The following NSMCE2 variants were observed in gnomAD, a reference collection of about 807,000 sequenced individuals.
NSMCE2 encodes NSE2 SUMO ligase component of SMC5/6 complex.
A neutral mutation model predicts 23.8 loss-of-function variants in NSMCE2; 24 were observed. The observed-to-expected ratio is 1.01, with a 90% CI of 0.73 to 1.42. NSMCE2 has a LOEUF of 1.42. NSMCE2 is among the 40% of genes most tolerant of loss of function. The pLI is 0.00. For missense variants in NSMCE2, 284 were observed against 296.5 expected (o/e 0.96, Z 0.31); for synonymous variants, 92 against 94.1 (o/e 0.98, Z 0.13).
chr8:125,183,800 A>G (rs983774183), intron 5 of NSMCE2, among the ~76,000 whole-genome samples: 2 of 152,152 alleles, frequency 1.3e-5, no homozygotes, highest in African/African-American at 2.4e-5. Flanking sequence ...TCTCATGGTA[A>G]TTAGAAACTC....
chr8:125,194,975 G>A (rs2130839431), intron 5 of NSMCE2, among the ~76,000 whole-genome samples: 1 of 152,194 alleles, frequency 6.6e-6, no homozygotes, highest in South Asian at 2.1e-4. Context: ...TAGGTGACCT[G>A]TAGCAATGGT....
chr8:125,205,883 A>G (rs1275963407), intron 5 of NSMCE2, among the ~76,000 whole-genome samples: 1 of 152,244 alleles, frequency 6.6e-6, no homozygotes, highest in Admixed American at 6.5e-5. Context: ...ATTATAATCA[A>G]TTGAATTTTA....
chr8:125,125,728 A>C (rs1444590616), intron 3 of NSMCE2, among the ~76,000 whole-genome samples: 2 of 152,228 alleles, frequency 1.3e-5, no homozygotes, highest in Admixed American at 6.5e-5. Context: ...TTAGTCTGCC[A>C]CAGTGTGGCA....
rs748629612 is a variant in NSMCE2, at chr8:125,182,116, G to A, written c.278G>A (p.Arg93His). ...TGTCTCCCTTAGGTGAAAGAAGAAC[G>A]TCCAGAAAAAATACCAGATTTAAAA... is the stretch of plus-strand genomic sequence containing the variant. ...QSTINHVKEE[R>H]PEKIPDLKLL... The change falls in exon 5 of 8, where the codon CGT (arginine) becomes CAT (histidine). Residue 93 changes from arginine to histidine, a missense_variant. Transcript: ENST00000287437. 18 of 1,594,696 alleles carry A rather than the reference G, an allele frequency of 1.1e-5. No homozygotes were observed. The highest frequency in any genetic ancestry group is 9.5e-5 in the African/African-American group (7 of 73,338).
intron 4 of NSMCE2, among the ~76,000 whole-genome samples, chr8:125,166,095 A>G (rs1392391326): frequency 6.6e-6 from 1 of 152,200 alleles, no homozygotes; most frequent in African/African-American, 2.4e-5. Flanking sequence ...GGCTGTGGAC[A>G]TGTGGTATAG....
At chr8:125,364,566 A>G (rs1474825521) in intron 7 of NSMCE2, among the ~76,000 whole-genome samples, 1 of 152,236 alleles carries the variant, frequency 6.6e-6, no homozygotes, top group African/African-American at 2.4e-5. Flanking sequence ...TCACAGTTGC[A>G]TGCTTAGAAC....
rs1326835996 is a variant in NSMCE2 at position 125,340,038 on chromosome 8, G to A, written c.419-17181G>A. Reference sequence around the variant, plus strand: ...TTTTTTTTTTTTTTTTTTTTGAGACGGAGTCTCGCTCTGTGGCCCAGGCGG... The same window carrying A: ...TTTTTTTTTTTTTTTTTTTTGAGACAGAGTCTCGCTCTGTGGCCCAGGCGG... On this transcript the variant is annotated intron_variant, in intron 5 of 7. Transcript: ENST00000287437. 5.3e-5 allele frequency among the ~76,000 whole-genome samples: 6 copies of A among 112,962 alleles called. No individual in the cohort carries two copies. In the East Asian group the frequency reaches 1.6e-3, roughly 29 times the overall value. 74.1% of individuals were successfully genotyped at this position (112,962 alleles called of 152,430 possible). A position where few individuals can be genotyped will look rare whatever the true frequency, so the allele number is the denominator to read the frequency against.
chr8:125,318,094 T>A (rs1382931741), intron 5 of NSMCE2, among the ~76,000 whole-genome samples: 1 of 152,230 alleles, frequency 6.6e-6, no homozygotes, highest in East Asian at 1.9e-4. Context: ...ATATAAGATG[T>A]TTAACTTTAC....
chr8:125,128,755 A>G (rs1252276812), intron 3 of NSMCE2, among the ~76,000 whole-genome samples: 14 of 152,186 alleles, frequency 9.2e-5, no homozygotes. Context: ...CAAACCTGGC[A>G]ATGGCCCATT....
chr8:125,330,138 T>G (rs926780020), intron 5 of NSMCE2, among the ~76,000 whole-genome samples: 1 of 151,900 alleles, frequency 6.6e-6, no homozygotes, highest in South Asian at 2.1e-4. Flanking sequence ...CAAGTCTGCC[T>G]TCTTGTTAGG....
intron 3 of NSMCE2, among the ~76,000 whole-genome samples, chr8:125,102,966 C>G (rs761081036): frequency 6.6e-6 from 1 of 152,112 alleles, no homozygotes; most frequent in Non-Finnish European, 1.5e-5. Flanking sequence ...TCAAGAAGAT[C>G]TAGAAAGATG....
At chr8:125,299,981 G>A (rs1828496753) in intron 5 of NSMCE2, among the ~76,000 whole-genome samples, 1 of 151,304 alleles carries the variant, frequency 6.6e-6, no homozygotes, top group South Asian at 2.1e-4. Context: ...ATCATGCTTG[G>A]CTAATTTTTG....
chr8:125,273,599 T>A (rs1827320006), intron 5 of NSMCE2, among the ~76,000 whole-genome samples: 1 of 152,238 alleles, frequency 6.6e-6, no homozygotes, highest in African/African-American at 2.4e-5. Flanking sequence ...CCTTTCCAAC[T>A]TACAGTTTAT....
At chr8:125,212,993 T>C (rs1824409824) in intron 5 of NSMCE2, among the ~76,000 whole-genome samples, 1 of 152,142 alleles carries the variant, frequency 6.6e-6, no homozygotes, top group African/African-American at 2.4e-5. Context: ...GTTAAAAAAA[T>C]CAATATGTAA....
At chr8:125,181,983 AT>A (rs1822840317) in intron 4 of NSMCE2, 119 bp from the exon 5 acceptor site, 5 of 763,122 alleles carry the variant, frequency 6.6e-6, no homozygotes, top group African/African-American at 5.3e-5. Context: ...TGTTCAAGAG[AT>A]TGTTTTCAAC....
At chr8:125,352,777 A>G (rs1219983979) in intron 5 of NSMCE2, among the ~76,000 whole-genome samples, 1 of 152,212 alleles carries the variant, frequency 6.6e-6, no homozygotes, top group Non-Finnish European at 1.5e-5. Context: ...GGTCATCTAA[A>G]TCAGTATAAG....
chr8:125,215,311 G>A (rs1236850457), intron 5 of NSMCE2, among the ~76,000 whole-genome samples: 3 of 149,120 alleles, frequency 2.0e-5, no homozygotes, highest in Admixed American at 6.7e-5. Context: ...TTGTTCTTGC[G>A]ATAGTTTACT....
intron 3 of NSMCE2, among the ~76,000 whole-genome samples, chr8:125,126,383 AC>A (rs1294679915): frequency 6.6e-6 from 1 of 151,434 alleles, no homozygotes; most frequent in Non-Finnish European, 1.5e-5. Flanking sequence ...AAAAAAAAAA[AC>A]GAGGGGGACA....
rs146830856 is a variant in NSMCE2 at position 125,135,546 on chromosome 8, G to A, written c.158-15625G>A. On this transcript the variant is annotated intron_variant, in intron 3 of 7. Transcript: ENST00000287437. ...TGTATTTAAGTCTGTGATTCTTTCT[G>A]ACTGAAGTTTTGTATATGGAATAAG... is the stretch of plus-strand genomic sequence containing the variant. 3.2e-4 allele frequency among the ~76,000 whole-genome samples: 48 copies of A among 151,878 alleles called. No individual in the cohort carries two copies. The East Asian group carries it at 8.7e-3, about 27-fold the overall frequency.
Sources: gnomAD v4.1 joint callset for allele counts (sites outside exome capture counted in the v4.1 genomes callset) on GRCh38, gnomAD v4.1.1 for gene constraint, MANE v1.5 for transcripts, NCBI Gene and HGNC (gene_info 2026-07-23, HGNC 2026-07-21) for gene names.